GRID2: variants seen among roughly 807,000 people sequenced by gnomAD.
GRID2 encodes the protein glutamate receptor ionotropic, delta-2.
Under a neutral mutation model 114.8 loss-of-function variants are expected in GRID2, and 33 were observed. The ratio of observed to expected loss-of-function variants is 0.29; its 90% CI spans 0.22 to 0.38. The LOEUF is 0.38. GRID2 is among the 10% of genes least tolerant of loss of function. GRID2 has a pLI of 1.00. For missense variants in GRID2, 1,184 were observed against 1,257.7 expected (o/e 0.94, Z 0.89); for synonymous variants, 505 against 449.9 (o/e 1.12, Z -1.55).
chr4:93,007,593 A>T (rs1043027042), intron 2 of GRID2, among the ~76,000 whole-genome samples: 3 of 152,116 alleles, frequency 2.0e-5, no homozygotes, highest in African/African-American at 7.2e-5. Context: ...AGTATATCTA[A>T]CTTAGGGATT....
chr4:92,784,138 A>G (rs1467779274), intron 2 of GRID2, among the ~76,000 whole-genome samples: 1 of 151,986 alleles, frequency 6.6e-6, no homozygotes, highest in Non-Finnish European at 1.5e-5. Context: ...GCTGATTTTA[A>G]TTATGTAGAT....
chr4:93,638,033 CATT>C (rs1298111544), intron 14 of GRID2, among the ~76,000 whole-genome samples: 7 of 152,046 alleles, frequency 4.6e-5, no homozygotes, highest in African/African-American at 1.7e-4. Flanking sequence ...GAATAAGAGT[CATT>C]ATTCTATATA....
intron 13 of GRID2, among the ~76,000 whole-genome samples, chr4:93,612,347 T>C (rs1741033985): frequency 6.6e-6 from 1 of 151,062 alleles, no homozygotes. Flanking sequence ...AATTTGATCC[T>C]GTCATTATGA....
Position 92,393,295 on chromosome 4 carries a change from A to G in GRID2, c.88+88551A>G, listed in dbSNP as rs73840603. On this transcript the variant is annotated intron_variant, in intron 1 of 15. Transcript: ENST00000282020. ...ATATGAGATTTGGGTGGGGACAAAT[A>G]TTCAAGTTATATCAATTATTATCTT... 8.9e-3 allele frequency among the ~76,000 whole-genome samples: 1,353 copies of G among 152,312 alleles called. 18 individuals are homozygous for G. The highest frequency in any genetic ancestry group is 0.031 in the African/African-American group (1,302 of 41,572).
At chr4:92,949,519 G>T (rs965529761) in intron 2 of GRID2, among the ~76,000 whole-genome samples, 2 of 151,844 alleles carry the variant, frequency 1.3e-5, no homozygotes, top group Non-Finnish European at 2.9e-5. Flanking sequence ...TCTTCTAGCG[G>T]TAGAATTGAC....
At chr4:92,632,690 A>AAGGGAAGAAAGGGAAGGAAGGGAAGG (rs1730866125) in intron 2 of GRID2, among the ~76,000 whole-genome samples, 1 of 150,512 alleles carries the variant, frequency 6.6e-6, no homozygotes, top group African/African-American at 2.5e-5. Flanking sequence ...GGAAGGGAAG[A>AAGGGAAGAAAGGGAAGGAAGGGAAGG]AGTGAAGAAA....
chr4:93,404,428 G>C (rs527970474), intron 9 of GRID2, among the ~76,000 whole-genome samples: 5 of 152,208 alleles, frequency 3.3e-5, no homozygotes, highest in African/African-American at 4.8e-5. Context: ...AAAAAAGAGA[G>C]AGTCTGGTTC....
At chr4:92,806,931 G>C (rs1045756656) in intron 2 of GRID2, among the ~76,000 whole-genome samples, 3 of 151,884 alleles carry the variant, frequency 2.0e-5, no homozygotes, top group Non-Finnish European at 2.9e-5. Flanking sequence ...GGGGATGAAA[G>C]CAGCTATGAC....
At chr4:93,375,428 G>T (rs1178905751) in intron 8 of GRID2, among the ~76,000 whole-genome samples, 1 of 151,948 alleles carries the variant, frequency 6.6e-6, no homozygotes, top group African/African-American at 2.4e-5. Context: ...GGCCAGGCTG[G>T]TCTTGAACTC....
At position 92,486,601 on chromosome 4, in the gene GRID2, A is replaced by T. The variant is rs1469260210; in HGVS notation, c.89-103530A>T. On this transcript the variant is annotated intron_variant, in intron 1 of 15. Coordinates refer to ENST00000282020, the MANE Select transcript of GRID2 (RefSeq NM_001510.4). ...CACACACACACACACAAACACAGAT[A>T]ATATAGTAGGAATAAGAAGGGTAAG... is the stretch of plus-strand genomic sequence containing the variant. Among the ~76,000 whole-genome samples, 6 of 150,750 alleles carry T rather than the reference A, an allele frequency of 4.0e-5. No homozygotes were observed. In the South Asian group the frequency reaches 6.3e-4, roughly 16 times the overall value.
chr4:92,560,154 T>C (rs914357213), intron 1 of GRID2, among the ~76,000 whole-genome samples: 3 of 152,304 alleles, frequency 2.0e-5, no homozygotes, highest in Admixed American at 1.3e-4. Flanking sequence ...TGAGGAAGGA[T>C]AAATGTGGAG....
At chr4:93,162,980 T>C (rs1737827250) in intron 4 of GRID2, among the ~76,000 whole-genome samples, 1 of 151,984 alleles carries the variant, frequency 6.6e-6, no homozygotes, top group South Asian at 2.1e-4. Flanking sequence ...GCATAATAGT[T>C]TTAGCAACTC....
At chr4:92,440,519 G>GTGTA (rs1732992056) in intron 1 of GRID2, among the ~76,000 whole-genome samples, 1 of 152,178 alleles carries the variant, frequency 6.6e-6, no homozygotes, top group South Asian at 2.1e-4. Flanking sequence ...CGAGCTTGAT[G>GTGTA]TGTAGGGAAG....
At chr4:93,349,878 GATAAA>G (rs1261319989) in intron 8 of GRID2, among the ~76,000 whole-genome samples, 3 of 152,044 alleles carry the variant, frequency 2.0e-5, no homozygotes, top group Non-Finnish European at 4.4e-5. Context: ...CCTTAATTAT[GATAAA>G]ATAAATAAAT....
intron 2 of GRID2, among the ~76,000 whole-genome samples, chr4:93,068,442 G>A (rs1427418108): frequency 1.3e-5 from 2 of 152,016 alleles, no homozygotes; most frequent in African/African-American, 4.8e-5. Flanking sequence ...TGTTATTACT[G>A]CAGACAGAAC....
chr4:92,656,206 T>C (rs1461756270), intron 2 of GRID2, among the ~76,000 whole-genome samples: 1 of 151,832 alleles, frequency 6.6e-6, no homozygotes, highest in East Asian at 1.9e-4. Context: ...GACTAGCTTT[T>C]GTATTTTTTA....
intron 2 of GRID2, among the ~76,000 whole-genome samples, chr4:92,809,119 AG>A (rs1419296541): frequency 1.3e-5 from 2 of 152,004 alleles, no homozygotes; most frequent in Non-Finnish European, 2.9e-5. Flanking sequence ...TCTCTTCAAA[AG>A]CATCACATTT....
chr4:93,150,591 GC>G lies in GRID2; in HGVS notation c.735+39640del, dbSNP rs1736645023. Reference sequence around the variant, plus strand: ...TTCAGCAGCTGGGGAGAGTTATTGGGCCAGAGAGCCTGTTCTGGCCAGCTCT... The same window carrying G: ...TTCAGCAGCTGGGGAGAGTTATTGGGCAGAGAGCCTGTTCTGGCCAGCTCT... On this transcript the variant is annotated intron_variant, in intron 4 of 15. Coordinates refer to ENST00000282020, the MANE Select transcript of GRID2 (RefSeq NM_001510.4). 2.6e-5 allele frequency among the ~76,000 whole-genome samples: 4 copies of G among 152,132 alleles called. No individual in the cohort carries two copies. In the South Asian group the frequency reaches 8.3e-4, roughly 32 times the overall value.
intron 10 of GRID2, among the ~76,000 whole-genome samples, chr4:93,448,576 A>G (rs1722315893): frequency 6.6e-6 from 1 of 151,988 alleles, no homozygotes; most frequent in African/African-American, 2.4e-5. Context: ...TTTATTACAA[A>G]TAGTGTTCCC....
Sources: allele counts gnomAD v4.1 joint callset (sites outside exome capture counted in the v4.1 genomes callset), GRCh38; gene constraint gnomAD v4.1.1; transcripts MANE v1.5; gene names NCBI Gene and HGNC (gene_info 2026-07-23, HGNC 2026-07-21).